ZNF467: variants seen among roughly 807,000 people sequenced by gnomAD.
The protein encoded by ZNF467 is zinc finger protein 467.
ZNF467 carries 51 observed loss-of-function variants against 47.8 expected under a neutral mutation model. That is an observed-to-expected ratio of 1.07 (90% CI 0.85 to 1.35). The LOEUF (loss-of-function observed/expected upper bound fraction) is 1.35, where lower values mean the gene tolerates loss of function less well. ZNF467 is among the 40% of genes most tolerant of loss of function. The pLI, the probability that ZNF467 is intolerant of heterozygous loss-of-function variation, is 0.00. For synonymous variants in ZNF467, 416 were observed against 372.9 expected, an observed-to-expected ratio of 1.12 and a Z score of -1.33; for missense variants, 992 against 858.1, an observed-to-expected ratio of 1.16 and a Z score of -1.95.
upstream of ZNF467, among the ~76,000 whole-genome samples, chr7:149,774,450 G>A (rs1486369386): frequency 6.6e-6 from 1 of 152,160 alleles, no homozygotes. This position sits in a 1 kb window ranked among gnomAD's most constrained non-coding sequence, Gnocchi z 5.7. Flanking sequence ...CAATCCCAGT[G>A]CTGCCTGATC....
Position 149,764,987 on chromosome 7 carries a change from G to C in ZNF467, c.1515C>G (p.His505Gln). 4.4e-6 allele frequency: 7 copies of C among 1,591,694 alleles called. No homozygotes were observed. The highest frequency in any genetic ancestry group is 6.0e-6 in the Non-Finnish European group (7 of 1,174,820). Residue 505 changes from histidine to glutamine, a missense_variant, in exon 5 of 5, where the codon CAC (histidine) becomes CAG (glutamine). Transcript: ENST00000302017. Reference protein sequence around the residue: ...RFSRKSHLGRHQAVHTGSRPH... With the variant: ...RFSRKSHLGRQQAVHTGSRPH... ...GGCGGCTGCCAGTGTGCACCGCCTGGTGGCGGCCCAGGTGCGACTTGCGGC... is the reference window on the plus strand; with the variant it reads ...GGCGGCTGCCAGTGTGCACCGCCTGCTGGCGGCCCAGGTGCGACTTGCGGC...
Position 149,765,722 on chromosome 7 carries a change from G to A in ZNF467, c.780C>T (p.Gly260=). 1.2e-6 allele frequency: 2 copies of A among 1,613,220 alleles called. No homozygotes were observed. Among genetic ancestry groups the A allele is most frequent in the Non-Finnish European group, 1.7e-6 (2 of 1,179,718 alleles). The part of the protein sequence containing the change: ...GKRFSQKIHL[G]SHQKTHTGER... ...CGCCGGTGTGGGTCTTTTGGTGCGA[G>A]CCCAGGTGGATCTTCTGGCTGAAGC... The change falls in exon 5 of 5, where the codon GGC becomes GGT. Residue 260 remains glycine, a synonymous_variant. Coordinates refer to ENST00000302017, the MANE Select transcript of ZNF467 (RefSeq NM_207336.3).
upstream of ZNF467, among the ~76,000 whole-genome samples, chr7:149,773,784 G>A (rs545994196): frequency 4.0e-3 from 611 of 152,036 alleles, 4 homozygotes; most frequent in Middle Eastern, 0.017. Flanking sequence ...GACGGCCCGG[G>A]GGGTCGGTCT....
chr7:149,765,511 A>AGGGCC lies in ZNF467; in HGVS notation c.986_990dup (p.Ser331GlyfsTer34). On this transcript the variant is annotated frameshift_variant, in exon 5 of 5. Coordinates refer to ENST00000302017, the MANE Select transcript of ZNF467 (RefSeq NM_207336.3). LOFTEE classifies it high-confidence loss of function. ...TGAGGAGAAGCGGACGAGTCGGGAG[A>AGGGCC]GGGCCTGGCCGGGCCGGCCGTCTGG... is the stretch of plus-strand genomic sequence containing the variant. 1.9e-6 allele frequency: 3 copies of AGGGCC among 1,581,794 alleles called. No homozygotes were observed. The highest frequency in any genetic ancestry group is 2.3e-5 in the South Asian group (2 of 86,956).
chr7:149,765,805 G>A lies in ZNF467; in HGVS notation c.697C>T (p.Arg233Cys). The change falls in exon 5 of 5, where the codon CGC becomes TGC. Residue 233 changes from arginine (R) to cysteine (C), a missense_variant. Transcript: ENST00000302017. ...TCGCCCGTGTGCGTGCGCAGGTGGC[G>A]GGTCAGATGGGCCTTCTTGCTGAAG... ...KRFSKKAHLT[R>C]HLRTHTGERP... is the part of the protein sequence containing the mutation. 1 of 1,610,732 alleles carries A rather than the reference G, an allele frequency of 6.2e-7. No homozygotes were observed. Among genetic ancestry groups the A allele is most frequent in the Non-Finnish European group, 8.5e-7 (1 of 1,178,744 alleles).
rs1283216429 is a variant in ZNF467, at chr7:149,765,263, G to A, written c.1239C>T (p.Gly413=). ...GGGGCACCACGGGATCGGATCCTGG[G>A]CCGCAGCCCGGTCCGCCAGGCGCGC... ...LASAPGGPGC[G]PGSDPVVPQR... is the part of the protein sequence containing the mutation. Residue 413 remains glycine (G), a synonymous_variant, in exon 5 of 5, where the codon GGC becomes GGT. Coordinates refer to ENST00000302017, the MANE Select transcript of ZNF467 (RefSeq NM_207336.3). 1.4e-6 allele frequency: 2 copies of A among 1,461,938 alleles called. No individual in the cohort carries two copies. The highest frequency in any genetic ancestry group is 2.8e-5 in the South Asian group (2 of 71,110). 90.6% of individuals were successfully genotyped at this position (1,461,938 alleles called of 1,614,324 possible). A position where few individuals can be genotyped will look rare whatever the true frequency, so the allele number is the denominator to read the frequency against.
In ZNF467 at chr7:149,769,306, G is replaced by C; in HGVS notation, c.152-106C>G. On this transcript the variant is annotated intron_variant, in intron 3 of 4. Coordinates refer to ENST00000302017, the MANE Select transcript of ZNF467 (RefSeq NM_207336.3). The surrounding 1 kb of genome is among the most constrained non-coding windows in gnomAD (Gnocchi z 5.3). ...GCATTTGAAACCCTGGCTCCAGCAGGGCCCACAGGGTTCCTCCCACATCCT... is the reference window on the plus strand; with the variant it reads ...GCATTTGAAACCCTGGCTCCAGCAGCGCCCACAGGGTTCCTCCCACATCCT... The C allele has an allele frequency of 2.0e-6, 2 of 1,016,488 alleles. No homozygotes were observed. Among genetic ancestry groups the C allele is most frequent in the Non-Finnish European group, 2.8e-6 (2 of 714,198 alleles). The allele number at this position is 1,016,488 out of a possible 1,614,324, so 63.0% of individuals were successfully genotyped here. A position where few individuals can be genotyped will look rare whatever the true frequency, so the allele number is the denominator to read the frequency against.
chr7:149,770,280 C>G (rs1197917831), intron 3 of ZNF467, among the ~76,000 whole-genome samples, 160 bp downstream of exon 3: 7 of 138,716 alleles, frequency 5.0e-5, no homozygotes, highest in Non-Finnish European at 1.1e-4. Context: ...TAGCATCCCA[C>G]ACATAATAGG....
intron 2 of ZNF467, 149 bp downstream of exon 2, chr7:149,770,850 C>A: frequency 1.1e-6 from 1 of 924,104 alleles, no homozygotes; most frequent in African/African-American, 1.7e-5. Flanking sequence ...GGCATTCAGA[C>A]ACCCCGTGCT....
chr7:149,768,492 A>G lies in ZNF467; in HGVS notation c.262+598T>C, dbSNP rs578243931. The stretch of plus-strand genomic sequence containing the variant: ...GTAACTCTACAGTTCATCTCTTTCC[A>G]CTGTACTTAACACAGCCTGTATGTA... On this transcript the variant is annotated intron_variant, in intron 4 of 4. Transcript: ENST00000302017. 5.3e-5 allele frequency among the ~76,000 whole-genome samples: 8 copies of G among 152,286 alleles called. No homozygotes were observed. The South Asian group carries it at 1.7e-3, about 32-fold the overall frequency.
At chr7:149,776,378 TGGA>T (rs1185423882), upstream of ZNF467, 3 of 1,363,718 alleles carry the variant, frequency 2.2e-6, no homozygotes, top group Non-Finnish European at 2.9e-6. Flanking sequence ...ACCATCCGTG[TGGA>T]GGAGGAAGTG....
chr7:149,769,219 C>A lies in ZNF467; in HGVS notation c.152-19G>T. The stretch of plus-strand genomic sequence containing the variant: ...TCGTGCCCTGGCAGAGAATAGGATA[C>A]CTCAAGGACTCTGGAGACATCACAG... On this transcript the variant is annotated intron_variant, in intron 3 of 4. Coordinates refer to ENST00000302017, the MANE Select transcript of ZNF467 (RefSeq NM_207336.3). This position sits in a 1 kb window ranked among gnomAD's most constrained non-coding sequence, Gnocchi z 5.3. The A allele has an allele frequency of 6.5e-7, 1 of 1,543,260 alleles. No homozygotes were observed. The highest frequency in any genetic ancestry group is 8.8e-7 in the Non-Finnish European group (1 of 1,142,792).
At chr7:149,768,521 G>A (rs751145008) in intron 4 of ZNF467, among the ~76,000 whole-genome samples, 9 of 152,140 alleles carry the variant, frequency 5.9e-5, no homozygotes, top group Admixed American at 1.3e-4. Flanking sequence ...GTATGTAGTC[G>A]GCACTCAATA....
At position 149,770,415 on chromosome 7, in the gene ZNF467, C is replaced by T. The variant is rs756300019; in HGVS notation, c.151+25G>A. On this transcript the variant is annotated intron_variant, in intron 3 of 4. Coordinates refer to ENST00000302017, the MANE Select transcript of ZNF467 (RefSeq NM_207336.3). ...GAAAGCAGGGGGACTCCTCCCTGAG[C>T]CTTTCCAGGGTTCCTGTTACCTACC... 3 of 1,575,478 alleles carry T rather than the reference C, an allele frequency of 1.9e-6. No homozygotes were observed. In the South Asian group the frequency reaches 3.4e-5, roughly 18 times the overall value.
chr7:149,775,994 G>A (rs763424914), upstream of ZNF467: 7 of 1,335,188 alleles, frequency 5.2e-6, no homozygotes, highest in East Asian at 1.8e-4. Context: ...TGCCTCTCTT[G>A]AGCCCAAGCC....
upstream of ZNF467, among the ~76,000 whole-genome samples, chr7:149,774,029 A>G (rs1049845737): frequency 1.3e-4 from 20 of 148,746 alleles, no homozygotes; most frequent in African/African-American, 4.7e-4. The surrounding 1 kb of genome is among the most constrained non-coding windows in gnomAD (Gnocchi z 5.7). Context: ...CCAGGTCGGG[A>G]GCTCCAGGGG....
Position 149,764,968 on chromosome 7 carries a change from T to G in ZNF467, c.1534A>C (p.Ser512Arg), listed in dbSNP as rs375989131. 7.1e-5 allele frequency: 113 copies of G among 1,590,294 alleles called. No individual in the cohort carries two copies. Among genetic ancestry groups the G allele is most frequent in the Admixed American group, 2.0e-4 (12 of 58,642 alleles). ...CAGACGGCGCAGGCGTGGGGGCGGC[T>G]GCCAGTGTGCACCGCCTGGTGGCGG... is the stretch of plus-strand genomic sequence containing the variant. Reference protein sequence around the residue: ...LGRHQAVHTGSRPHACAVCAR... With the variant: ...LGRHQAVHTGRRPHACAVCAR... The change falls in exon 5 of 5, where the codon AGC (serine) becomes CGC (arginine). Residue 512 changes from serine (S) to arginine (R), a missense_variant. Physicochemically the swap from Ser to Arg is moderately radical, Grantham distance 110. Transcript: ENST00000302017.
upstream of ZNF467, chr7:149,776,059 C>G (rs1799568690): frequency 7.3e-7 from 1 of 1,365,470 alleles, no homozygotes. Context: ...TCCCTGCCCT[C>G]CTCTTTGGGA....
chr7:149,776,305 A>T (rs115899933), upstream of ZNF467: 41,583 of 1,331,112 alleles, frequency 0.031, 1,954 homozygotes, highest in African/African-American at 0.23. Flanking sequence ...TTGGTGACAG[A>T]GGGAATGGTG....
Sources: gnomAD v4.1 joint callset for allele counts (sites outside exome capture counted in the v4.1 genomes callset) on GRCh38, gnomAD v4.1.1 for gene constraint, Gnocchi (gnomAD v3.1) non-coding constraint, MANE v1.5 for transcripts, NCBI Gene and HGNC (gene_info 2026-07-23, HGNC 2026-07-21) for gene names.